Variants in MIA2 observed in about 807,000 individuals in gnomAD.
MIA2 encodes the protein melanoma inhibitory activity protein 2.
MIA2 carries 127 observed loss-of-function variants against 167.8 expected under a neutral mutation model. That is an observed-to-expected ratio of 0.76 (90% CI 0.66 to 0.88). MIA2 has a LOEUF of 0.88. Ranked by LOEUF, MIA2 falls within the 40% of genes least tolerant of loss-of-function variation. MIA2 has a pLI of 0.00. For missense variants in MIA2, 1,690 were observed against 1,624.7 expected (o/e 1.04, Z -0.69); for synonymous variants, 552 against 541.9 (o/e 1.02, Z -0.26).
chr14:39,302,037 G>C (rs750865426), intron 14 of MIA2, 92 bp from the exon 15 acceptor site: 11 of 1,394,478 alleles, frequency 7.9e-6, no homozygotes, highest in Non-Finnish European at 1.1e-5. Flanking sequence ...TATGTGGACT[G>C]ATTTTTAAAC....
Position 39,368,662 on chromosome 14 carries a change from T to C in MIA2, c.2249-18223T>C, listed in dbSNP as rs187526720. 1.8e-3 allele frequency among the ~76,000 whole-genome samples: 272 copies of C among 150,108 alleles called. 2 individuals carry two copies. The highest frequency in any genetic ancestry group is 6.3e-3 in the African/African-American group (255 of 40,272). On this transcript the variant is annotated intron_variant, in intron 23 of 23. Transcript: ENST00000341502. The stretch of plus-strand genomic sequence containing the variant: ...CTTTTCTTATATTTTTAGTCTCTAC[T>C]TTTTTTCTTTTTCTTTTCTTTTTTT...
chr14:39,268,885 A>T, intron 6 of MIA2: 2 of 455,862 alleles, frequency 4.4e-6, no homozygotes, highest in Non-Finnish European at 5.8e-6. Context: ...GGCTGTGGTA[A>T]CTTATTCATG....
At chr14:39,300,430 A>C (rs1260358590) in intron 14 of MIA2, among the ~76,000 whole-genome samples, 1 of 152,170 alleles carries the variant, frequency 6.6e-6, no homozygotes, top group East Asian at 1.9e-4. Context: ...GACTCCAGTC[A>C]TAAGAATAAA....
chr14:39,267,019 A>AG (rs1370397068), intron 6 of MIA2: 1 of 974,408 alleles, frequency 1.0e-6, no homozygotes, highest in Non-Finnish European at 1.2e-6. Context: ...CTCCACTACC[A>AG]GGGCTGGGTG....
intron 24 of MIA2, among the ~76,000 whole-genome samples, chr14:39,322,644 T>C (rs1018076983): frequency 3.9e-5 from 6 of 151,938 alleles, no homozygotes; most frequent in Middle Eastern, 3.2e-3. Flanking sequence ...TCTACATTTA[T>C]CTCATCAGCA....
At chr14:39,296,002 T>C (rs2061372536) in intron 13 of MIA2, among the ~76,000 whole-genome samples, 1 of 152,216 alleles carries the variant, frequency 6.6e-6, no homozygotes, top group South Asian at 2.1e-4. Flanking sequence ...AAATGCTTTG[T>C]TTAATCTGTT....
chr14:39,338,228 A>G lies in MIA2; in HGVS notation c.3656-7676A>G, dbSNP rs1257927225. ...ATGCTGTAAAATGTCATAGAACTAG[A>G]CACGAGTTGTACCAATGTCAGTTTT... On this transcript the variant is annotated intron_variant, in intron 25 of 28. Transcript: ENST00000640607. 3.3e-4 allele frequency among the ~76,000 whole-genome samples: 50 copies of G among 152,188 alleles called. 2 individuals are homozygous for G. Among genetic ancestry groups the G allele is most frequent in the Admixed American group, 3.2e-3 (49 of 15,272 alleles).
intron 12 of MIA2, 134 bp downstream of exon 12, chr14:39,294,205 A>G: frequency 3.7e-6 from 2 of 543,144 alleles, no homozygotes; most frequent in Middle Eastern, 1.1e-3. Flanking sequence ...TTTTTTTTTA[A>G]CAATACCTAA....
chr14:39,288,436 T>C (rs7160844), intron 9 of MIA2, among the ~76,000 whole-genome samples: 753 of 12,098 alleles, frequency 0.062, 19 homozygotes, highest in African/African-American at 0.14. Flanking sequence ...ATTATACATA[T>C]ATATATATAT....
At chr14:39,327,779 A>G (rs943088860) in intron 25 of MIA2, among the ~76,000 whole-genome samples, 18 of 152,132 alleles carry the variant, frequency 1.2e-4, no homozygotes, top group Middle Eastern at 3.4e-3. Context: ...TCATCCATGT[A>G]CCTTGCAAAG....
At chr14:39,284,448 T>A (rs1387707604) in intron 9 of MIA2, among the ~76,000 whole-genome samples, 1 of 152,216 alleles carries the variant, frequency 6.6e-6, no homozygotes, top group Non-Finnish European at 1.5e-5. Flanking sequence ...TTTTCGTGAC[T>A]ACAGCTTTGG....
intron 25 of MIA2, among the ~76,000 whole-genome samples, chr14:39,344,892 T>C (rs2153067020): frequency 6.6e-6 from 1 of 152,182 alleles, no homozygotes; most frequent in Middle Eastern, 3.4e-3. Context: ...GCAATTACTT[T>C]TGCACCAACC....
At chr14:39,327,700 T>C (rs1313838411) in intron 25 of MIA2, among the ~76,000 whole-genome samples, 2 of 152,124 alleles carry the variant, frequency 1.3e-5, no homozygotes, top group African/African-American at 2.4e-5. Flanking sequence ...CTCCCACTTA[T>C]GAGTGAGAAC....
intron 11 of MIA2, 80 bp downstream of exon 11, chr14:39,293,461 G>T (rs914787012): frequency 3.1e-6 from 3 of 962,768 alleles, no homozygotes; most frequent in Non-Finnish European, 4.6e-6. Flanking sequence ...ACTGGTTAAA[G>T]TATTACATTA....
At chr14:39,272,718 G>A (rs1414438137) in intron 6 of MIA2, among the ~76,000 whole-genome samples, 2 of 152,128 alleles carry the variant, frequency 1.3e-5, no homozygotes, top group East Asian at 1.9e-4. Context: ...AGCCAAGATC[G>A]CACCACTGCA....
rs770703838 is a variant in MIA2, at chr14:39,240,659, C to T, written c.336+12C>T. On this transcript the variant is annotated intron_variant, in intron 3 of 28. Transcript: ENST00000640607. ...AGATGTCAACGAAAGTGAGTAAACT[C>T]ATTCTCAGTTGTTAATTGAATTTAA... is the stretch of plus-strand genomic sequence containing the variant. The T allele has an allele frequency of 3.8e-6, 6 of 1,583,328 alleles. No individual in the cohort carries two copies. In the African/African-American group the frequency reaches 6.7e-5, roughly 18 times the overall value.
At chr14:39,345,290 T>C (rs1373755448) in intron 25 of MIA2, among the ~76,000 whole-genome samples, 5 of 152,106 alleles carry the variant, frequency 3.3e-5, no homozygotes, top group African/African-American at 1.2e-4. Flanking sequence ...GCCAGGCTGG[T>C]CTGGAACTCC....
At chr14:39,354,153 A>G (rs987174425), downstream of MIA2, among the ~76,000 whole-genome samples, 3 of 152,230 alleles carry the variant, frequency 2.0e-5, no homozygotes, top group Non-Finnish European at 2.9e-5. Context: ...CACTTCCACA[A>G]TGGTTGAACT....
At chr14:39,310,022 T>C (rs1172105861) in intron 18 of MIA2, among the ~76,000 whole-genome samples, 1 of 152,162 alleles carries the variant, frequency 6.6e-6, no homozygotes, top group Non-Finnish European at 1.5e-5. Flanking sequence ...ATGATAGTTA[T>C]TACAGTTGTT....
Sources: gnomAD v4.1 joint callset for allele counts (sites outside exome capture counted in the v4.1 genomes callset) on GRCh38, gnomAD v4.1.1 for gene constraint, MANE v1.5 for transcripts, NCBI Gene and HGNC (gene_info 2026-07-23, HGNC 2026-07-21) for gene names.